Variants in KIF9 observed in about 807,000 individuals in gnomAD.
KIF9 encodes kinesin-like protein KIF9.
KIF9 carries 68 observed loss-of-function variants against 94.8 expected under a neutral mutation model. The ratio of observed to expected loss-of-function variants is 0.72; its 90% CI spans 0.59 to 0.88. The LOEUF (loss-of-function observed/expected upper bound fraction) is 0.88, where lower values mean the gene tolerates loss of function less well. KIF9 is among the 40% of genes least tolerant of loss of function. The pLI is 0.00. For missense variants in KIF9, 882 were observed against 982.5 expected, an observed-to-expected ratio of 0.90 and a Z score of 1.37; for synonymous variants, 343 against 362.1, an observed-to-expected ratio of 0.95 and a Z score of 0.60.
Position 47,282,568 on chromosome 3 carries a change from G to C in KIF9, c.-79C>G. On this transcript the variant is annotated 5_prime_UTR_variant, in exon 1 of 21. Coordinates refer to ENST00000684063, the MANE Select transcript of KIF9 (RefSeq NM_182902.4). The stretch of plus-strand genomic sequence containing the variant: ...CCACCTGCACTCCCCACGCGGGGCT[G>C]CCTGGCTGTGTACATAGTCGCCATG... 9.7e-7 allele frequency: 1 copy of C among 1,035,142 alleles called. No homozygotes were observed. The highest frequency in any genetic ancestry group is 1.2e-6 in the Non-Finnish European group (1 of 858,866). The allele number at this position is 1,035,142 out of a possible 1,614,324, so 64.1% of individuals were successfully genotyped here. A position where few individuals can be genotyped will look rare whatever the true frequency, so the allele number is the denominator to read the frequency against.
intron 20 of KIF9, among the ~76,000 whole-genome samples, chr3:47,232,891 A>G (rs1243652623): frequency 6.6e-6 from 1 of 150,774 alleles, no homozygotes; most frequent in Non-Finnish European, 1.5e-5. Context: ...CTGAGGCAGG[A>G]GAATGGCGTG....
intron 19 of KIF9, 71 bp downstream of exon 19, chr3:47,235,963 C>T (rs1432054576): frequency 1.7e-6 from 2 of 1,152,016 alleles, no homozygotes; most frequent in Admixed American, 1.7e-5. Context: ...GTGTTGAGAA[C>T]AGACATCAAG....
intron 3 of KIF9, among the ~76,000 whole-genome samples, chr3:47,274,295 C>G (rs937262324): frequency 2.6e-5 from 4 of 152,192 alleles, no homozygotes; most frequent in African/African-American, 9.7e-5. Flanking sequence ...TTGCACTTCT[C>G]AACATCCTTT....
intron 11 of KIF9, among the ~76,000 whole-genome samples, 195 bp downstream of exon 11, chr3:47,247,823 A>G (rs1237611765): frequency 1.3e-5 from 2 of 152,088 alleles, no homozygotes; most frequent in Non-Finnish European, 2.9e-5. Flanking sequence ...GCCCCTCAGG[A>G]CCGTTGGAGG....
chr3:47,244,725 A>C, intron 15 of KIF9, 66 bp downstream of exon 15: 1 of 1,581,872 alleles, frequency 6.3e-7, no homozygotes, highest in Non-Finnish European at 8.7e-7. Flanking sequence ...GGAACAGTGC[A>C]CATCCTCCCA....
chr3:47,235,489 TG>T, intron 20 of KIF9, 23 bp downstream of exon 20: 1 of 1,528,418 alleles, frequency 6.5e-7, no homozygotes, highest in Non-Finnish European at 9.1e-7. Flanking sequence ...CCCATCCTCC[TG>T]GAGACATAGG....
At chr3:47,243,494 T>C in intron 15 of KIF9, 1 of 342,714 alleles carries the variant, frequency 2.9e-6, no homozygotes, top group Admixed American at 4.2e-5. Context: ...AGGAGACGCT[T>C]GGGAAAAATG....
At chr3:47,231,415 T>C (rs1039143415) in intron 20 of KIF9, among the ~76,000 whole-genome samples, 1 of 143,912 alleles carries the variant, frequency 6.9e-6, no homozygotes, top group Admixed American at 6.9e-5. Flanking sequence ...TTTTTTTTTT[T>C]TTTTTTTTTT....
intron 9 of KIF9, 63 bp from the exon 10 acceptor site, chr3:47,257,623 G>T: frequency 6.9e-7 from 1 of 1,453,868 alleles, no homozygotes. Context: ...CAAGAGACCG[G>T]CCTTCTCAGA....
chr3:47,254,931 C>T (rs932425808), intron 10 of KIF9, among the ~76,000 whole-genome samples: 2 of 152,210 alleles, frequency 1.3e-5, no homozygotes, highest in Admixed American at 6.5e-5. Flanking sequence ...GGTTCAACAT[C>T]AGTCAGGTGA....
chr3:47,248,026 C>T lies in KIF9; in HGVS notation c.1120G>A (p.Asp374Asn). 4 of 1,613,450 alleles carry T rather than the reference C, an allele frequency of 2.5e-6. No individual in the cohort carries two copies. Among genetic ancestry groups the T allele is most frequent in the Non-Finnish European group, 3.4e-6 (4 of 1,179,514 alleles). Residue 374 changes from aspartate (D) to asparagine (N), a missense_variant, in exon 11 of 21, where the codon GAC becomes AAC. By Grantham distance (23) the Asp-to-Asn change is conservative. Coordinates refer to ENST00000684063, the MANE Select transcript of KIF9 (RefSeq NM_182902.4). ...TGCCTCTAGCCTCTTACCAGGCTGT[C>T]ATGGATAGCCAGCTCCTGCTTGAGT... ...ALLKQELAIH[D>N]SLTNRTFVTY...
intron 5 of KIF9, among the ~76,000 whole-genome samples, chr3:47,268,030 C>T (rs1280347558): frequency 6.6e-6 from 1 of 151,938 alleles, no homozygotes; most frequent in Admixed American, 6.6e-5. Context: ...CACTACCACA[C>T]CTGGCTAATT....
intron 20 of KIF9, among the ~76,000 whole-genome samples, chr3:47,232,039 G>A (rs1698626530): frequency 6.6e-6 from 1 of 152,220 alleles, no homozygotes; most frequent in South Asian, 2.1e-4. Flanking sequence ...GTGATGCTAT[G>A]AAGAGGTGAG....
Position 47,231,717 on chromosome 3 carries a change from G to A in KIF9, c.2323-3015C>T, listed in dbSNP as rs116978252. 436 of 152,214 alleles carry A rather than the reference G, an allele frequency of 2.9e-3. 21 individuals carry two copies. The East Asian group carries it at 0.061, about 21-fold the overall frequency. The allele number at this position is 152,214 out of a possible 1,614,324, so 9.4% of individuals were successfully genotyped here. On this transcript the variant is annotated intron_variant, in intron 20 of 20. Transcript: ENST00000684063. ...ATTATAGGCACGAGCTATTGTTACC[G>A]GCCATCTGCATTCTAAAAAGACCCC...
rs1462362779 is a variant in KIF9 at position 47,280,836 on chromosome 3, A to G, written c.-6+1659T>C. The G allele has an allele frequency of 7.2e-6, 5 of 692,812 alleles. No homozygotes were observed. In the African/African-American group the frequency reaches 8.8e-5, roughly 12 times the overall value. The allele number at this position is 692,812 out of a possible 1,614,324, so 42.9% of individuals were successfully genotyped here. ...CTGACACCATGGCTCCAAGCAGGCC[A>G]GGAGCCATATCCACCTGCAATAAAG... On this transcript the variant is annotated intron_variant, in intron 1 of 20. Transcript: ENST00000684063.
chr3:47,245,364 G>A, intron 14 of KIF9, 57 bp downstream of exon 14: 1 of 1,298,386 alleles, frequency 7.7e-7, no homozygotes, highest in Non-Finnish European at 1.1e-6. Context: ...GCTCTGCAAA[G>A]GTCTGAGGAT....
At chr3:47,260,853 G>A (rs767231145) in intron 9 of KIF9, among the ~76,000 whole-genome samples, 19 of 152,218 alleles carry the variant, frequency 1.2e-4, no homozygotes, top group Admixed American at 2.6e-4. Context: ...TGATGGGGAA[G>A]GGATAAGTGC....
intron 17 of KIF9, 142 bp from the exon 18 acceptor site, chr3:47,236,761 TG>T: frequency 2.8e-6 from 2 of 705,542 alleles, no homozygotes; most frequent in Non-Finnish European, 4.8e-6. Flanking sequence ...GGCAAGGAGA[TG>T]GGCAAAGCAC....
chr3:47,245,660 C>T, intron 13 of KIF9, 149 bp from the exon 14 acceptor site: 1 of 648,220 alleles, frequency 1.5e-6, no homozygotes, highest in Non-Finnish European at 2.8e-6. Context: ...GACAAAAGGA[C>T]AAAGGACTCA....
Sources: allele counts gnomAD v4.1 joint callset (sites outside exome capture counted in the v4.1 genomes callset), GRCh38; gene constraint gnomAD v4.1.1; transcripts MANE v1.5; gene names NCBI Gene and HGNC (gene_info 2026-07-23, HGNC 2026-07-21).